Variants in TAFA1 observed in about 807,000 individuals in gnomAD.
TAFA1 encodes the protein chemokine-like protein TAFA-1.
In TAFA1, 4 loss-of-function variants were observed where a neutral mutation model predicts 18.5. The observed-to-expected ratio is 0.22, with a 90% CI of 0.11 to 0.49. TAFA1 has a LOEUF of 0.49. Among genes scored for constraint, TAFA1 ranks in the 20% least tolerant of loss-of-function variants. The pLI, the probability that TAFA1 is intolerant of heterozygous loss-of-function variation, is 0.98. For missense variants in TAFA1, 147 were observed against 169.0 expected (o/e 0.87, Z 0.72); for synonymous variants, 56 against 55.2 (o/e 1.01, Z -0.06).
chr3:68,148,624 G>T (rs2218053), intron 2 of TAFA1, among the ~76,000 whole-genome samples: 10,586 of 152,122 alleles, frequency 0.07, 429 homozygotes, highest in Middle Eastern at 0.13. Context: ...CGCTGTCTTT[G>T]TCACATTCCG....
intron 2 of TAFA1, among the ~76,000 whole-genome samples, chr3:68,064,308 T>A (rs2064644675): frequency 6.6e-6 from 1 of 152,178 alleles, no homozygotes; most frequent in Non-Finnish European, 1.5e-5. Flanking sequence ...AAAAATATCT[T>A]CTGAAGCATA....
intron 2 of TAFA1, among the ~76,000 whole-genome samples, chr3:68,383,420 T>C (rs545237543): frequency 3.9e-5 from 6 of 152,294 alleles, no homozygotes; most frequent in East Asian, 3.9e-4. Flanking sequence ...GTGAAAGCCT[T>C]TTCTGCATCT....
intron 2 of TAFA1, among the ~76,000 whole-genome samples, chr3:68,174,773 C>G (rs528251593): frequency 6.6e-6 from 1 of 152,290 alleles, no homozygotes; most frequent in Middle Eastern, 3.4e-3. Context: ...AGGAGAAATT[C>G]AAGCCTGCTG....
intron 3 of TAFA1, among the ~76,000 whole-genome samples, chr3:68,481,386 T>G (rs563806985): frequency 6.6e-6 from 1 of 152,312 alleles, no homozygotes; most frequent in South Asian, 2.1e-4. Flanking sequence ...CACAAACAAG[T>G]GGTGTCTTGC....
At chr3:68,389,383 A>AT (rs11443067) in intron 2 of TAFA1, among the ~76,000 whole-genome samples, 8,822 of 152,106 alleles carry the variant, frequency 0.058, 322 homozygotes, top group East Asian at 0.14. Flanking sequence ...TAACTGTCCC[A>AT]TTTTTTCTAT....
intron 3 of TAFA1, among the ~76,000 whole-genome samples, chr3:68,450,834 G>C (rs1232345285): frequency 6.6e-6 from 1 of 152,142 alleles, no homozygotes; most frequent in Non-Finnish European, 1.5e-5. Flanking sequence ...CAAGTGTTAT[G>C]TAATTATGAT....
intron 2 of TAFA1, among the ~76,000 whole-genome samples, chr3:68,102,677 G>A (rs905714728): frequency 1.3e-5 from 2 of 152,148 alleles, no homozygotes; most frequent in Non-Finnish European, 2.9e-5. Flanking sequence ...GCCTGAACTT[G>A]CAGGTTATCT....
chr3:68,314,589 A>T (rs887415645), intron 2 of TAFA1, among the ~76,000 whole-genome samples: 3 of 152,232 alleles, frequency 2.0e-5, no homozygotes, highest in Non-Finnish European at 2.9e-5. Flanking sequence ...GTGTCTACAC[A>T]TACGCAATAT....
chr3:68,035,569 T>C (rs1225289337), intron 2 of TAFA1, among the ~76,000 whole-genome samples: 1 of 152,196 alleles, frequency 6.6e-6, no homozygotes, highest in African/African-American at 2.4e-5. Context: ...CTAACGAGGA[T>C]GTGAAACAAT....
chr3:68,492,312 T>G (rs75669589), intron 3 of TAFA1, among the ~76,000 whole-genome samples: 2,393 of 152,084 alleles, frequency 0.016, 21 homozygotes, highest in Middle Eastern at 0.034. Flanking sequence ...CCAGTGGTTG[T>G]TTTTTTGTTT....
chr3:68,334,823 G>T (rs542135253), intron 2 of TAFA1, among the ~76,000 whole-genome samples: 1 of 152,102 alleles, frequency 6.6e-6, no homozygotes, highest in Non-Finnish European at 1.5e-5. Flanking sequence ...CTTGCTGTTT[G>T]TTGTATCTTC....
At chr3:68,079,439 T>C (rs1427971298) in intron 2 of TAFA1, among the ~76,000 whole-genome samples, 2 of 152,220 alleles carry the variant, frequency 1.3e-5, no homozygotes, top group Admixed American at 6.5e-5. Flanking sequence ...TGCTTTCTCT[T>C]ATGGGCATTT....
chr3:68,101,548 G>T (rs145022379), intron 2 of TAFA1, among the ~76,000 whole-genome samples: 1 of 152,202 alleles, frequency 6.6e-6, no homozygotes, highest in East Asian at 1.9e-4. Flanking sequence ...ATGGATGAAG[G>T]TGTGATTTCA....
chr3:68,160,851 C>T (rs564946728), intron 2 of TAFA1, among the ~76,000 whole-genome samples: 50 of 152,262 alleles, frequency 3.3e-4, no homozygotes, highest in African/African-American at 4.6e-4. Flanking sequence ...TCTGGCTAAC[C>T]GCAGAGCCCA....
At chr3:68,457,589 T>G (rs1386836684) in intron 3 of TAFA1, among the ~76,000 whole-genome samples, 1 of 152,206 alleles carries the variant, frequency 6.6e-6, no homozygotes, top group Non-Finnish European at 1.5e-5. Context: ...ACATAAACAT[T>G]GTGAATGTCT....
chr3:68,067,481 G>T (rs1289967311), intron 2 of TAFA1, among the ~76,000 whole-genome samples: 1 of 152,136 alleles, frequency 6.6e-6, no homozygotes, highest in African/African-American at 2.4e-5. Context: ...TGAGGAATGT[G>T]GTTATTGTGT....
chr3:68,059,771 T>A (rs2064578582), intron 2 of TAFA1, among the ~76,000 whole-genome samples: 1 of 152,150 alleles, frequency 6.6e-6, no homozygotes, highest in Admixed American at 6.5e-5. Context: ...GAAAATAAGA[T>A]CTTTTGTAAA....
intron 2 of TAFA1, among the ~76,000 whole-genome samples, chr3:68,273,029 G>A (rs986076389): frequency 6.6e-5 from 10 of 151,784 alleles, no homozygotes; most frequent in South Asian, 2.1e-4. Context: ...TGGTGGGGGG[G>A]AATAAAAATA....
intron 2 of TAFA1, among the ~76,000 whole-genome samples, chr3:68,176,393 G>A (rs1450304390): frequency 1.3e-5 from 2 of 152,104 alleles, no homozygotes; most frequent in African/African-American, 4.8e-5. Flanking sequence ...GAGGCAAGAG[G>A]ATTGCTTGAG....
Sources: gnomAD v4.1 joint callset for allele counts (sites outside exome capture counted in the v4.1 genomes callset) on GRCh38, gnomAD v4.1.1 for gene constraint, MANE v1.5 for transcripts, NCBI Gene and HGNC (gene_info 2026-07-23, HGNC 2026-07-21) for gene names.